The following MTCL1 variants were observed in gnomAD, a reference collection of about 807,000 sequenced individuals.
The protein encoded by MTCL1 is microtubule crosslinking factor 1.
A neutral mutation model predicts 141.4 loss-of-function variants in MTCL1; 79 were observed. The observed-to-expected ratio is 0.56, with a 90% confidence interval of 0.47 to 0.67. The LOEUF (loss-of-function observed/expected upper bound fraction) is 0.67, where lower values mean the gene tolerates loss of function less well. Ranked by LOEUF, MTCL1 falls within the 30% of genes least tolerant of loss-of-function variation. The pLI, the probability that MTCL1 is intolerant of heterozygous loss-of-function variation, is 0.00. For synonymous variants in MTCL1, 914 were observed against 875.8 expected (o/e 1.04, Z -0.77); for missense variants, 2,177 against 2,113.9 (o/e 1.03, Z -0.59).
upstream of MTCL1, among the ~76,000 whole-genome samples, chr18:8,712,456 G>A (rs372147975): frequency 2.0e-5 from 3 of 152,204 alleles, no homozygotes; most frequent in East Asian, 5.8e-4. Flanking sequence ...GGGGGTGGAG[G>A]GGCACTTGGA....
At chr18:8,759,395 T>C (rs1350337608) in intron 4 of MTCL1, among the ~76,000 whole-genome samples, 1 of 152,236 alleles carries the variant, frequency 6.6e-6, no homozygotes, top group East Asian at 1.9e-4. Flanking sequence ...TCCTGTTGAT[T>C]TCAAAGACTG....
intron 6 of MTCL1, among the ~76,000 whole-genome samples, chr18:8,785,278 C>T (rs186467772): frequency 5.3e-5 from 8 of 152,300 alleles, no homozygotes; most frequent in East Asian, 1.9e-4. Flanking sequence ...GACTCGCTAA[C>T]GAGCACGTCC....
At chr18:8,735,795 A>G (rs2096272095) in intron 4 of MTCL1, among the ~76,000 whole-genome samples, 1 of 152,178 alleles carries the variant, frequency 6.6e-6, no homozygotes, top group South Asian at 2.1e-4. Flanking sequence ...TGAGAAACTC[A>G]GAGCTCAGGG....
intron 4 of MTCL1, among the ~76,000 whole-genome samples, chr18:8,747,626 C>T (rs921952854): frequency 2.6e-5 from 4 of 152,320 alleles, no homozygotes; most frequent in East Asian, 1.9e-4. Context: ...CTCCTCTAAA[C>T]GTGCAAAGAC....
chr18:8,729,430 G>T (rs1487096119), intron 4 of MTCL1, among the ~76,000 whole-genome samples: 1 of 151,490 alleles, frequency 6.6e-6, no homozygotes, highest in South Asian at 2.1e-4. Flanking sequence ...TAGAGACAGG[G>T]TCTCCCTCTG....
intron 15 of MTCL1, among the ~76,000 whole-genome samples, chr18:8,827,520 G>C (rs1389674842): frequency 1.3e-5 from 2 of 152,182 alleles, no homozygotes; most frequent in Non-Finnish European, 2.9e-5. Context: ...TTGTTTGCAT[G>C]CTCTGAGGAC....
chr18:8,784,538 G>A (rs1197321182), exon 6 of MTCL1: 9 of 1,605,876 alleles, frequency 5.6e-6, no homozygotes, highest in Admixed American at 3.4e-5. Flanking sequence ...CACGGACACC[G>A]ACAGCTTCCT....
intron 10 of MTCL1, among the ~76,000 whole-genome samples, chr18:8,804,762 C>T (rs2076235547): frequency 6.6e-6 from 1 of 152,156 alleles, no homozygotes; most frequent in African/African-American, 2.4e-5. Flanking sequence ...GAGGCTGAGG[C>T]AGGTGGATCA....
rs1246753473 is a variant in MTCL1 at position 8,751,927 on chromosome 18, C to A, written c.358-25906C>A. ...CGGAAAAGAAACGTTTAAGGCCAAG[C>A]TGCTGCAGACTGCACTTTCACTTGA... On this transcript the variant is annotated intron_variant, in intron 4 of 16. Transcript: ENST00000359865. Among the ~76,000 whole-genome samples, 3 of 152,188 alleles carry A rather than the reference C, an allele frequency of 2.0e-5. No individual in the cohort carries two copies. The East Asian group carries it at 5.8e-4, about 29-fold the overall frequency.
intron 3 of MTCL1, among the ~76,000 whole-genome samples, 199 bp downstream of exon 2, chr18:8,718,847 T>C (rs532187818): frequency 6.6e-6 from 1 of 152,348 alleles, no homozygotes; most frequent in South Asian, 2.1e-4. Context: ...TGTCATAATA[T>C]GAACTTTAAA....
At chr18:8,778,315 C>T (rs893106851) in intron 5 of MTCL1, among the ~76,000 whole-genome samples, 4 of 152,222 alleles carry the variant, frequency 2.6e-5, no homozygotes, top group African/African-American at 9.6e-5. Flanking sequence ...TGAACGATAT[C>T]TTGAATGGTC....
chr18:8,780,994 T>C (rs774905747), intron 5 of MTCL1, among the ~76,000 whole-genome samples: 58 of 151,662 alleles, frequency 3.8e-4, no homozygotes, highest in Non-Finnish European at 7.5e-4. Flanking sequence ...TAGCGAAACC[T>C]CATCTCTACC....
At chr18:8,794,337 A>G (rs181126645) in intron 8 of MTCL1, among the ~76,000 whole-genome samples, 1 of 152,184 alleles carries the variant, frequency 6.6e-6, no homozygotes, top group African/African-American at 2.4e-5. Flanking sequence ...AGGCTTGTTC[A>G]GAAGGGAAGG....
chr18:8,770,570 C>G (rs2096481264), intron 4 of MTCL1, among the ~76,000 whole-genome samples: 1 of 152,182 alleles, frequency 6.6e-6, no homozygotes, highest in East Asian at 1.9e-4. Flanking sequence ...CTCATTGCAA[C>G]CTAGTTACGT....
In MTCL1 at chr18:8,830,628, A is replaced by G; in HGVS notation, c.*19-979A>G. On this transcript the variant is annotated intron_variant, in intron 16 of 16. Transcript: ENST00000359865. The surrounding 1 kb of genome is among the most constrained non-coding windows in gnomAD (Gnocchi z 6.4). ...TCCTCCAACTCACTTCCTTTCTTTG[A>G]GGGTCCTTGTTCTCTGTCATCCTTC... 1 of 985,640 alleles carries G rather than the reference A, an allele frequency of 1.0e-6. No homozygotes were observed. Among genetic ancestry groups the G allele is most frequent in the African/African-American group, 1.7e-5 (1 of 57,304 alleles). 61.1% of individuals were successfully genotyped at this position (985,640 alleles called of 1,614,324 possible).
At chr18:8,740,343 A>G (rs1329449735) in intron 4 of MTCL1, among the ~76,000 whole-genome samples, 1 of 152,216 alleles carries the variant, frequency 6.6e-6, no homozygotes, top group East Asian at 1.9e-4. Flanking sequence ...GAAATCCTTG[A>G]GAAACAAGAC....
chr18:8,797,630 A>T (rs575235097), intron 9 of MTCL1, among the ~76,000 whole-genome samples: 37 of 152,338 alleles, frequency 2.4e-4, no homozygotes, highest in Non-Finnish European at 4.4e-4. Context: ...AGTGTATGTA[A>T]TTTTAAGTTC....
chr18:8,725,858 C>T (rs1189145946), intron 4 of MTCL1, among the ~76,000 whole-genome samples: 2 of 137,510 alleles, frequency 1.5e-5, no homozygotes, highest in South Asian at 2.4e-4. Context: ...GGCACGATCT[C>T]GGCTCACTGC....
intron 4 of MTCL1, among the ~76,000 whole-genome samples, chr18:8,755,844 G>C (rs1490304103): frequency 1.3e-5 from 2 of 152,190 alleles, no homozygotes; most frequent in African/African-American, 4.8e-5. Context: ...TCTGTATTCA[G>C]AGTAAGAATT....
Sources: gnomAD v4.1 joint callset for allele counts (sites outside exome capture counted in the v4.1 genomes callset) on GRCh38, gnomAD v4.1.1 for gene constraint, Gnocchi (gnomAD v3.1) non-coding constraint, MANE v1.5 for transcripts, NCBI Gene and HGNC (gene_info 2026-07-23, HGNC 2026-07-21) for gene names.